PCDHA6: variants seen among roughly 807,000 people sequenced by gnomAD.
PCDHA6 encodes protocadherin alpha 6.
PCDHA6 carries 55 observed loss-of-function variants against 60.3 expected under a neutral mutation model. The ratio of observed to expected loss-of-function variants is 0.91; its 90% CI spans 0.73 to 1.14. The LOEUF (loss-of-function observed/expected upper bound fraction) is 1.14. Among genes scored for constraint, PCDHA6 ranks in the 50% most tolerant of loss-of-function variants. PCDHA6 has a pLI of 0.00. For synonymous variants in PCDHA6, 652 were observed against 557.9 expected, an observed-to-expected ratio of 1.17 and a Z score of -2.38; for missense variants, 1,327 against 1,256.5, an observed-to-expected ratio of 1.06 and a Z score of -0.85.
In PCDHA6 at chr5:140,857,247, A is replaced by T. The variant is rs140390466; in HGVS notation, c.2394+26762A>T. 1.3e-4 allele frequency: 206 copies of T among 1,598,558 alleles called. 15 individuals carry two copies. The African/African-American group carries it at 2.2e-3, about 17-fold the overall frequency. On this transcript the variant is annotated intron_variant, in intron 1 of 3. Transcript: ENST00000529310. The stretch of plus-strand genomic sequence containing the variant: ...GTTCCGTTCAAGCTGGTGTCCACCT[A>T]CAAGAATTACTACTCATTGGTGCTG...
At chr5:140,979,738 G>T (rs754559318) in intron 2 of PCDHA6, among the ~76,000 whole-genome samples, 10 of 152,194 alleles carry the variant, frequency 6.6e-5, no homozygotes, top group East Asian at 1.9e-4. Context: ...CCAAATAAAA[G>T]ATTCATTATT....
chr5:140,924,437 T>A (rs2081836231), intron 1 of PCDHA6, among the ~76,000 whole-genome samples: 1 of 152,206 alleles, frequency 6.6e-6, no homozygotes, highest in Admixed American at 6.5e-5. Flanking sequence ...CTAGAAGAGA[T>A]AACGAATGGG....
chr5:140,834,722 G>T (rs1773225539), intron 1 of PCDHA6: 1 of 1,614,146 alleles, frequency 6.2e-7, no homozygotes, highest in Non-Finnish European at 8.5e-7. Context: ...TGGAAAGGCC[G>T]CTGCAGGTTT....
At chr5:140,843,783 T>C in intron 1 of PCDHA6, 1 of 1,421,268 alleles carries the variant, frequency 7.0e-7, no homozygotes, top group Admixed American at 2.1e-5. Context: ...TAAAAGTGTT[T>C]CAGATTTAGT....
intron 1 of PCDHA6, chr5:140,859,527 A>T (rs1435954408): frequency 5.2e-6 from 1 of 191,864 alleles, no homozygotes; most frequent in African/African-American, 2.4e-5. Flanking sequence ...TTTTAAAAAA[A>T]ATTTATTAAT....
At chr5:140,966,741 G>T in intron 1 of PCDHA6, 1 of 1,421,322 alleles carries the variant, frequency 7.0e-7, no homozygotes, top group Non-Finnish European at 9.1e-7. Flanking sequence ...GGCCCTGCCC[G>T]GCTGCCTCCG....
intron 1 of PCDHA6, chr5:140,875,534 T>G (rs114654172): frequency 0.025 from 39,957 of 1,614,138 alleles, 601 homozygotes; most frequent in Non-Finnish European, 0.03. Flanking sequence ...CTTCTGCTCC[T>G]TGCAGCCTGG....
rs1161769031 is a variant in PCDHA6 at position 140,828,214 on chromosome 5, C to T, written c.123C>T (p.His41=). 8 of 1,614,030 alleles carry T rather than the reference C, an allele frequency of 5.0e-6. No individual in the cohort carries two copies. Among genetic ancestry groups the T allele is most frequent in the African/African-American group, 4.0e-5 (3 of 75,082 alleles). Residue 41 remains histidine, a synonymous_variant, in exon 1 of 4, where the codon CAC becomes CAT. Transcript: ENST00000529310. The part of the protein sequence containing the change: ...LHYSVPEEAK[H]GTFVGRIAQD... The stretch of plus-strand genomic sequence containing the variant: ...ACTCCGTACCCGAGGAGGCCAAACA[C>T]GGCACCTTCGTGGGCCGGATCGCGC...
Position 140,829,504 on chromosome 5 carries a change from C to T in PCDHA6, c.1413C>T (p.Gly471=). 1 of 1,613,582 alleles carries T rather than the reference C, an allele frequency of 6.2e-7. No homozygotes were observed. Among genetic ancestry groups the T allele is most frequent in the South Asian group, 1.1e-5 (1 of 91,068 alleles). Residue 471 remains glycine, a synonymous_variant, in exon 1 of 4, where the codon GGC becomes GGT. Coordinates refer to ENST00000529310, the MANE Select transcript of PCDHA6 (RefSeq NM_018909.4). ...TVFVKENNPP[G]CHIFTVSARD... ...TCGTGAAGGAGAACAACCCGCCGGG[C>T]TGCCACATCTTCACGGTGTCTGCGC... is the stretch of plus-strand genomic sequence containing the variant.
chr5:140,834,408 C>T, intron 1 of PCDHA6: 1 of 1,610,114 alleles, frequency 6.2e-7, no homozygotes, highest in Non-Finnish European at 8.5e-7. Flanking sequence ...TGGATACGAC[C>T]CAGGGGGCCG....
In PCDHA6 at chr5:140,991,828, C is replaced by T. The variant is rs1554252431; in HGVS notation, c.2542+9265C>T. Among the ~76,000 whole-genome samples, 6 of 152,168 alleles carry T rather than the reference C, an allele frequency of 3.9e-5. No homozygotes were observed. The South Asian group carries it at 6.2e-4, about 16-fold the overall frequency. The stretch of plus-strand genomic sequence containing the variant: ...CTTCCGCATTTTTAGGCATTTATAA[C>T]GGCAGAACCGCACTTCCAGATACCA... On this transcript the variant is annotated intron_variant, in intron 3 of 3. Transcript: ENST00000529310.
In PCDHA6 at chr5:140,911,678, G is replaced by A. The variant is rs551063911; in HGVS notation, c.2395-67271G>A. ...CTAAACTCCTTGCCTCTCACGAACCGTGCATCAGGAGTGTCAAATGAATTT... is the reference window on the plus strand; with the variant it reads ...CTAAACTCCTTGCCTCTCACGAACCATGCATCAGGAGTGTCAAATGAATTT... On this transcript the variant is annotated intron_variant, in intron 1 of 3. Coordinates refer to ENST00000529310, the MANE Select transcript of PCDHA6 (RefSeq NM_018909.4). Among the ~76,000 whole-genome samples the A allele has an allele frequency of 7.9e-5, 12 of 152,234 alleles. No homozygotes were observed. The South Asian group carries it at 1.2e-3, about 16-fold the overall frequency.
chr5:140,843,374 G>A (rs1778834369), intron 1 of PCDHA6: 1 of 1,596,014 alleles, frequency 6.3e-7, no homozygotes, highest in Non-Finnish European at 8.6e-7. Context: ...GCAGTCGGCT[G>A]GCGTTTTGGG....
rs2150490057 is a variant in PCDHA6, at chr5:140,850,579, A to G, written c.2394+20094A>G. On this transcript the variant is annotated intron_variant, in intron 1 of 3. Transcript: ENST00000529310. ...ACGGGCCCCGAGGTGACGCTGGTGG[A>G]TGTCAACGTGTACCTGATCATCGCC... 24 of 1,598,000 alleles carry G rather than the reference A, an allele frequency of 1.5e-5. 1 individual carries two copies. The East Asian group carries it at 3.6e-4, about 24-fold the overall frequency.
At chr5:140,898,323 G>A (rs2066657733) in intron 1 of PCDHA6, among the ~76,000 whole-genome samples, 1 of 152,132 alleles carries the variant, frequency 6.6e-6, no homozygotes, top group Admixed American at 6.5e-5. Context: ...ATGGTTTTGG[G>A]TCTAACGTTT....
At chr5:140,882,072 T>G in intron 1 of PCDHA6, 4 of 861,576 alleles carry the variant, frequency 4.6e-6, no homozygotes, top group Non-Finnish European at 7.0e-6. Flanking sequence ...TTCATGCGCA[T>G]GGTGTCGCTC....
chr5:140,875,450 C>A, intron 1 of PCDHA6: 1 of 1,590,616 alleles, frequency 6.3e-7, no homozygotes, highest in Non-Finnish European at 8.6e-7. Context: ...ATTGTCCCAA[C>A]TCAGAGGCCC....
At chr5:140,905,197 T>A (rs2071673542) in intron 1 of PCDHA6, among the ~76,000 whole-genome samples, 1 of 152,220 alleles carries the variant, frequency 6.6e-6, no homozygotes. Flanking sequence ...TTGATCCATC[T>A]TGAGTTGATT....
intron 1 of PCDHA6, chr5:140,871,041 T>G (rs782091626): frequency 6.2e-7 from 1 of 1,613,310 alleles, no homozygotes; most frequent in South Asian, 1.1e-5. Flanking sequence ...GCCACCGACT[T>G]CTAGTACTGG....
Sources: allele counts gnomAD v4.1 joint callset (sites outside exome capture counted in the v4.1 genomes callset), GRCh38; gene constraint gnomAD v4.1.1; transcripts MANE v1.5; gene names NCBI Gene and HGNC (gene_info 2026-07-23, HGNC 2026-07-21).